The following EMC1 variants were observed in gnomAD, a reference collection of about 807,000 sequenced individuals.
EMC1 encodes KIAA0090.
In EMC1, 103 loss-of-function variants were observed where a neutral mutation model predicts 128.8. That is an observed-to-expected ratio of 0.80 (90% CI 0.68 to 0.94). EMC1 has a LOEUF of 0.94. Among genes scored for constraint, EMC1 ranks in the 40% least tolerant of loss-of-function variants. EMC1 has a pLI of 0.00. For missense variants in EMC1, 1,083 were observed against 1,250.6 expected (o/e 0.87, Z 2.02); for synonymous variants, 442 against 490.4 (o/e 0.90, Z 1.30).
chr1:19,239,882 G>A lies in EMC1; in HGVS notation c.890C>T (p.Pro297Leu), dbSNP rs760055012. Reference protein sequence around the residue: ...SRAQFFLHLSPSHYALLQYHY... With the variant: ...SRAQFFLHLSLSHYALLQYHY... ...GTACTGCAGCAGAGCATAGTGGCTT[G>A]GGGACAAGTGCAGGAAGAACTGGGC... Residue 297 changes from proline (P) to leucine (L), a missense_variant, in exon 8 of 23, where the codon CCA becomes CTA. Pro to Leu is a moderately conservative substitution (Grantham distance 98). Transcript: ENST00000477853. 2.5e-6 allele frequency: 4 copies of A among 1,613,134 alleles called. No individual in the cohort carries two copies. The highest frequency in any genetic ancestry group is 3.4e-6 in the Non-Finnish European group (4 of 1,179,852).
In EMC1 at chr1:19,242,425, G is replaced by A. The variant is rs371507274; in HGVS notation, c.429C>T (p.Ile143=). 97 of 1,614,034 alleles carry A rather than the reference G, an allele frequency of 6.0e-5. No individual in the cohort carries two copies. Among genetic ancestry groups the A allele is most frequent in the Middle Eastern group, 1.6e-4 (1 of 6,082 alleles). Residue 143 remains isoleucine (I), a synonymous_variant, in exon 5 of 23, where the codon ATC becomes ATT. Coordinates refer to ENST00000477853, the MANE Select transcript of EMC1 (RefSeq NM_015047.3). ...CAAGTGTAGTCTTCTTCAGGACTGC[G>A]ATGTACCTTACAGACTCCTGCAGGC... The part of the protein sequence containing the change: ...LVGLQESVRY[I]AVLKKTTLAL...
chr1:19,240,663 G>A, intron 6 of EMC1: 1 of 581,966 alleles, frequency 1.7e-6, no homozygotes, highest in South Asian at 2.3e-5. Flanking sequence ...TTTTCTTTCT[G>A]GTCACTGGAA....
At chr1:19,249,353 T>G (rs2093646602) in intron 1 of EMC1, among the ~76,000 whole-genome samples, 1 of 152,222 alleles carries the variant, frequency 6.6e-6, no homozygotes, top group Non-Finnish European at 1.5e-5. Flanking sequence ...CCATTTTTTA[T>G]CTTTCATATC....
At position 19,233,076 on chromosome 1, in the gene EMC1, A is replaced by G. The variant is rs759830718; in HGVS notation, c.1492T>C (p.Trp498Arg). The G allele has an allele frequency of 3.5e-5, 57 of 1,614,106 alleles. No individual in the cohort carries two copies. Among genetic ancestry groups the G allele is most frequent in the Non-Finnish European group, 4.5e-5 (53 of 1,180,052 alleles). ...LSSQLILLQA[W>R]TSHLWKMFYD... ...AACATTTTCCAGAGGTGGGAAGTCC[A>G]TGCTTGCAGCAGGATAAGCTGAGAC... Residue 498 changes from tryptophan to arginine, a missense_variant, in exon 14 of 23, where the codon TGG (tryptophan) becomes CGG (arginine). This residue lies in a region of EMC1 where 527 missense variants were observed against 644.1 expected (regional missense o/e 0.82). Transcript: ENST00000477853.
intron 8 of EMC1, 25 bp from the exon 9 acceptor site, chr1:19,239,327 T>A (rs768837723): frequency 2.5e-6 from 4 of 1,608,718 alleles, no homozygotes; most frequent in Non-Finnish European, 3.4e-6. Flanking sequence ...AGGCATCAGC[T>A]CCTAAATGGG....
intron 15 of EMC1, 23 bp downstream of exon 15, chr1:19,232,601 C>T (rs993042541): frequency 3.7e-6 from 6 of 1,613,658 alleles, no homozygotes; most frequent in East Asian, 2.2e-5. Flanking sequence ...GAGTCTGGCT[C>T]AAGTCAGAGC....
At chr1:19,230,484 C>T (rs2093512063) in intron 17 of EMC1, among the ~76,000 whole-genome samples, 1 of 152,118 alleles carries the variant, frequency 6.6e-6, no homozygotes, top group African/African-American at 2.4e-5. Flanking sequence ...GCAGGAGAAT[C>T]GCTTGAACCA....
rs752680815 is a variant in EMC1, at chr1:19,219,277, C to T, written c.*26G>A. ...ATCTGACCCACACTCCCCTGGCTCTCCACTTTTAGGCACAGTCTTTGTTCT... is the reference window on the plus strand; with the variant it reads ...ATCTGACCCACACTCCCCTGGCTCTTCACTTTTAGGCACAGTCTTTGTTCT... On this transcript the variant is annotated 3_prime_UTR_variant, in exon 23 of 23. Coordinates refer to ENST00000477853, the MANE Select transcript of EMC1 (RefSeq NM_015047.3). The T allele has an allele frequency of 1.9e-6, 3 of 1,613,276 alleles. No individual in the cohort carries two copies. The Middle Eastern group carries it at 5.0e-4, about 270-fold the overall frequency.
intron 13 of EMC1, among the ~76,000 whole-genome samples, chr1:19,234,867 A>G (rs1398163671): frequency 2.6e-5 from 4 of 151,632 alleles, no homozygotes; most frequent in Non-Finnish European, 5.9e-5. Flanking sequence ...AAAAAAAAAG[A>G]CTTTTTTCCC....
intron 12 of EMC1, among the ~76,000 whole-genome samples, chr1:19,236,827 T>C (rs1445231511): frequency 1.4e-5 from 2 of 143,576 alleles, no homozygotes; most frequent in Non-Finnish European, 3.1e-5. Flanking sequence ...AATTAGCTGG[T>C]CGTGGTGGCA....
At position 19,242,392 on chromosome 1, in the gene EMC1, A is replaced by G. The variant is rs1304758967; in HGVS notation, c.462T>C (p.His154=). Residue 154 remains histidine (H), a synonymous_variant, in exon 5 of 23, where the codon CAT becomes CAC. Transcript: ENST00000477853. The part of the protein sequence containing the change: ...AVLKKTTLAL[H]HLSSGHLKWV... ...ACTTGAGGTGCCCACTGGAGAGGTG[A>G]TGGAGGGCAAGTGTAGTCTTCTTCA... 5 of 1,614,088 alleles carry G rather than the reference A, an allele frequency of 3.1e-6. No individual in the cohort carries two copies. The Admixed American group carries it at 8.3e-5, about 27-fold the overall frequency.
chr1:19,238,637 G>C (rs1344548217), intron 10 of EMC1, among the ~76,000 whole-genome samples, 158 bp downstream of exon 10: 2 of 152,162 alleles, frequency 1.3e-5, no homozygotes, highest in African/African-American at 4.8e-5. Flanking sequence ...CCGGTAAAAT[G>C]AGATTAAGAG....
At chr1:19,244,843 G>T (rs562449257) in intron 2 of EMC1, 63 bp downstream of exon 2, 3 of 1,589,872 alleles carry the variant, frequency 1.9e-6, no homozygotes, top group African/African-American at 2.7e-5. Flanking sequence ...GCCAGGCAGA[G>T]TTGGCAATGG....
intron 19 of EMC1, chr1:19,223,149 T>A: frequency 1.8e-6 from 1 of 562,400 alleles, no homozygotes; most frequent in Non-Finnish European, 3.1e-6. Flanking sequence ...TATCCCTATT[T>A]TAACAATGAT....
At chr1:19,238,657 T>C in intron 10 of EMC1, 138 bp downstream of exon 10, 1 of 644,936 alleles carries the variant, frequency 1.6e-6, no homozygotes, top group Non-Finnish European at 2.8e-6. Context: ...GAAACATCAT[T>C]TAATTTACAG....
chr1:19,241,856 G>A (rs2093607709), intron 5 of EMC1, among the ~76,000 whole-genome samples: 1 of 152,166 alleles, frequency 6.6e-6, no homozygotes, highest in African/African-American at 2.4e-5. Context: ...TGGCCACAGG[G>A]TGTCTAAGTA....
At chr1:19,242,237 C>T (rs1476054036) in intron 5 of EMC1, 108 bp downstream of exon 5, 1 of 1,224,080 alleles carries the variant, frequency 8.2e-7, no homozygotes, top group Non-Finnish European at 1.2e-6. Flanking sequence ...GGAACACCAA[C>T]AAGAGACAGG....
At chr1:19,242,546 T>TGGGTACTGTTCTGG in intron 4 of EMC1, 73 bp from the exon 5 acceptor site, 1 of 1,540,342 alleles carries the variant, frequency 6.5e-7, no homozygotes, top group Non-Finnish European at 8.9e-7. Context: ...TCCAGAACAG[T>TGGGTACTGTTCTGG]ACCCACTGTT....
intron 1 of EMC1, among the ~76,000 whole-genome samples, chr1:19,247,621 A>T (rs2093637446): frequency 6.6e-6 from 1 of 152,244 alleles, no homozygotes; most frequent in East Asian, 1.9e-4. Context: ...CTTGACAATG[A>T]TAATAAATGA....
Sources: gnomAD v4.1 joint callset for allele counts (sites outside exome capture counted in the v4.1 genomes callset) on GRCh38, gnomAD v4.1.1 for gene constraint, gnomAD v4.1.1 regional missense constraint, MANE v1.5 for transcripts, NCBI Gene and HGNC (gene_info 2026-07-23, HGNC 2026-07-21) for gene names.